Variants in KIF26B observed in about 807,000 individuals in gnomAD.
KIF26B encodes kinesin family member 26B.
Under a neutral mutation model 151.2 loss-of-function variants are expected in KIF26B, and 63 were observed. The observed-to-expected ratio is 0.42, with a 90% CI of 0.34 to 0.51. KIF26B has a LOEUF of 0.51. KIF26B is among the 20% of genes least tolerant of loss of function. KIF26B has a pLI of 0.07. For synonymous variants in KIF26B, 1,357 were observed against 1,262.1 expected (o/e 1.08, Z -1.59); for missense variants, 2,813 against 2,913.6 (o/e 0.97, Z 0.79).
chr1:245,561,780 T>C (rs1199700580), intron 5 of KIF26B, among the ~76,000 whole-genome samples: 1 of 152,196 alleles, frequency 6.6e-6, no homozygotes, highest in Non-Finnish European at 1.5e-5. Context: ...TGGTTTGATG[T>C]GGGTCAATCC....
chr1:245,636,728 CAT>C (rs2043837752), intron 9 of KIF26B, among the ~76,000 whole-genome samples: 1 of 152,042 alleles, frequency 6.6e-6, no homozygotes, highest in South Asian at 2.1e-4. Context: ...GTAGCTCCCA[CAT>C]ATGAGTGACA....
At chr1:245,172,852 C>T (rs1405957775) in intron 2 of KIF26B, among the ~76,000 whole-genome samples, 1 of 152,140 alleles carries the variant, frequency 6.6e-6, no homozygotes, top group Non-Finnish European at 1.5e-5. Context: ...TGGCCCACCA[C>T]ATCAATTTCA....
chr1:245,262,228 C>A (rs1005373016), intron 2 of KIF26B, among the ~76,000 whole-genome samples: 6 of 152,136 alleles, frequency 3.9e-5, no homozygotes, highest in African/African-American at 1.4e-4. Flanking sequence ...AACTGTCCGG[C>A]TGATGGAAGA....
chr1:245,645,589 A>G (rs1422195225), intron 9 of KIF26B, among the ~76,000 whole-genome samples: 2 of 152,166 alleles, frequency 1.3e-5, no homozygotes. Context: ...CTTGGCAGAT[A>G]CTCAGCAAAT....
intron 2 of KIF26B, among the ~76,000 whole-genome samples, chr1:245,307,806 T>TCTTGGCTCA (rs1671585575): frequency 6.6e-6 from 1 of 151,398 alleles, no homozygotes; most frequent in African/African-American, 2.4e-5. Flanking sequence ...GGTGGCGCGA[T>TCTTGGCTCA]CTGGGCTCAC....
chr1:245,291,511 G>T (rs1006259272), intron 2 of KIF26B, among the ~76,000 whole-genome samples: 1 of 152,124 alleles, frequency 6.6e-6, no homozygotes, highest in African/African-American at 2.4e-5. Flanking sequence ...GCCTTGTGTG[G>T]CTGTCAGCGC....
At chr1:245,162,303 G>T (rs1668544385) in intron 2 of KIF26B, among the ~76,000 whole-genome samples, 2 of 150,774 alleles carry the variant, frequency 1.3e-5, no homozygotes, top group African/African-American at 4.9e-5. Context: ...GTGTTATTGT[G>T]GCGAAGGAGC....
chr1:245,654,304 G>T (rs1023801049), intron 10 of KIF26B, among the ~76,000 whole-genome samples: 1 of 151,380 alleles, frequency 6.6e-6, no homozygotes, highest in Non-Finnish European at 1.5e-5. Flanking sequence ...AGAATGTAAT[G>T]ATGAGGGGTG....
In KIF26B at chr1:245,600,323, C is replaced by A. The variant is rs1377660064; in HGVS notation, c.1351-2254C>A. ...AAAGTGCTGGGATTACAGGCGTGAGCCACCACGCCTGGCCGTTTTGTTTTT... is the reference window on the plus strand; with the variant it reads ...AAAGTGCTGGGATTACAGGCGTGAGACACCACGCCTGGCCGTTTTGTTTTT... On this transcript the variant is annotated intron_variant, in intron 5 of 14. Transcript: ENST00000407071. Among the ~76,000 whole-genome samples, 6 of 145,004 alleles carry A rather than the reference C, an allele frequency of 4.1e-5. No homozygotes were observed. In the East Asian group the frequency reaches 6.4e-4, roughly 15 times the overall value.
At chr1:245,530,887 T>C (rs1661343879) in intron 4 of KIF26B, among the ~76,000 whole-genome samples, 1 of 152,218 alleles carries the variant, frequency 6.6e-6, no homozygotes, top group Non-Finnish European at 1.5e-5. Context: ...TAGTTCTTTG[T>C]CTGTGATTAT....
intron 14 of KIF26B, among the ~76,000 whole-genome samples, chr1:245,700,772 C>T (rs745555986): frequency 5.9e-5 from 9 of 152,174 alleles, no homozygotes; most frequent in Non-Finnish European, 1.2e-4. Context: ...TCATCGAAGG[C>T]GCTAATGGGG....
intron 2 of KIF26B, among the ~76,000 whole-genome samples, chr1:245,219,279 C>T (rs939415273): frequency 6.6e-6 from 1 of 151,810 alleles, no homozygotes; most frequent in Non-Finnish European, 1.5e-5. Flanking sequence ...GCTGGGACTA[C>T]AGGTGCCCGC....
At chr1:245,623,402 A>G (rs1245658521) in intron 9 of KIF26B, among the ~76,000 whole-genome samples, 1 of 152,144 alleles carries the variant, frequency 6.6e-6, no homozygotes, top group African/African-American at 2.4e-5. Context: ...TAATCATTTC[A>G]TTGCCTGTAT....
intron 4 of KIF26B, among the ~76,000 whole-genome samples, chr1:245,450,347 T>C (rs754453571): frequency 6.6e-5 from 10 of 152,220 alleles, no homozygotes; most frequent in Non-Finnish European, 1.5e-4. Flanking sequence ...GATTAGAATT[T>C]GAAAAGATTT....
intron 4 of KIF26B, among the ~76,000 whole-genome samples, chr1:245,494,635 C>T (rs1483149973): frequency 1.3e-5 from 2 of 152,036 alleles, no homozygotes; most frequent in Non-Finnish European, 2.9e-5. Flanking sequence ...GGAAAGATAC[C>T]CATAATTTAC....
At chr1:245,188,077 C>T (rs61831152) in intron 2 of KIF26B, among the ~76,000 whole-genome samples, 3 of 151,988 alleles carry the variant, frequency 2.0e-5, no homozygotes, top group Non-Finnish European at 2.9e-5. Context: ...GTCAGGAATT[C>T]GAGACCTGCT....
intron 2 of KIF26B, among the ~76,000 whole-genome samples, chr1:245,260,923 A>T (rs971357656): frequency 1.3e-5 from 2 of 152,230 alleles, no homozygotes; most frequent in Non-Finnish European, 2.9e-5. Context: ...GTAGATGCTT[A>T]TTGATGACTG....
chr1:245,580,861 C>T (rs999679114), intron 5 of KIF26B, among the ~76,000 whole-genome samples: 2 of 152,200 alleles, frequency 1.3e-5, no homozygotes, highest in Middle Eastern at 3.2e-3. Context: ...GTCCTCCTTC[C>T]TCGTTCTGCC....
chr1:245,683,866 A>C (rs1251530005), intron 10 of KIF26B, among the ~76,000 whole-genome samples: 2 of 152,198 alleles, frequency 1.3e-5, no homozygotes, highest in Admixed American at 6.5e-5. Context: ...CCACACGTGC[A>C]GTCAGCAAGC....
Sources: gnomAD v4.1 joint callset for allele counts (sites outside exome capture counted in the v4.1 genomes callset) on GRCh38, gnomAD v4.1.1 for gene constraint, MANE v1.5 for transcripts, NCBI Gene and HGNC (gene_info 2026-07-23, HGNC 2026-07-21) for gene names.